The following MGAT4C variants were observed in gnomAD, a reference collection of about 807,000 sequenced individuals.
MGAT4C encodes the protein MGAT4 family member C.
Under a neutral mutation model 40.1 loss-of-function variants are expected in MGAT4C, and 19 were observed. The ratio of observed to expected loss-of-function variants is 0.47; its 90% CI spans 0.33 to 0.70. The LOEUF (loss-of-function observed/expected upper bound fraction) is 0.70. MGAT4C is among the 30% of genes least tolerant of loss of function. The pLI is 0.02. For missense variants in MGAT4C, 491 were observed against 563.2 expected (o/e 0.87, Z 1.30); for synonymous variants, 181 against 187.1 (o/e 0.97, Z 0.27).
intron 2 of MGAT4C, among the ~76,000 whole-genome samples, chr12:86,648,974 T>C (rs1208957058): frequency 6.6e-6 from 1 of 151,924 alleles, no homozygotes; most frequent in African/African-American, 2.4e-5. Context: ...TTTTGTTGTT[T>C]GTTTATTTTA....
chr12:85,998,853 T>C (rs527342339), intron 2 of MGAT4C, among the ~76,000 whole-genome samples: 23 of 152,284 alleles, frequency 1.5e-4, no homozygotes, highest in Admixed American at 6.5e-4. Flanking sequence ...CCCCTGCCTG[T>C]TACCCATTTC....
intron 1 of MGAT4C, among the ~76,000 whole-genome samples, chr12:86,776,742 T>C (rs1203355781): frequency 6.6e-6 from 1 of 152,142 alleles, no homozygotes; most frequent in African/African-American, 2.4e-5. Context: ...TTGGCTAAAA[T>C]GTATGAAACG....
intron 1 of MGAT4C, among the ~76,000 whole-genome samples, chr12:86,073,332 T>G (rs1036058720): frequency 3.3e-5 from 5 of 152,222 alleles, no homozygotes; most frequent in Non-Finnish European, 7.3e-5. Context: ...TGGGTATGTC[T>G]TTATCAGTAG....
intron 4 of MGAT4C, among the ~76,000 whole-genome samples, chr12:86,281,040 C>G (rs1953206582): frequency 6.6e-6 from 1 of 151,812 alleles, no homozygotes; most frequent in Non-Finnish European, 1.5e-5. Context: ...TTTTGCTTGT[C>G]TTGTAAGTTT....
rs2897361 is a variant in MGAT4C, at chr12:86,729,489, T to G, written c.-261-2248A>C. Among the ~76,000 whole-genome samples the G allele has an allele frequency of 8.6e-3, 1,305 of 152,222 alleles. 8 individuals carry two copies. Among genetic ancestry groups the G allele is most frequent in the Middle Eastern group, 0.017 (5 of 294 alleles). Reference sequence around the variant, plus strand: ...AGAATAGTGTGAGATTACTGGGAGATTAATTCTAAAGATTTTCCTAGGTTG... The same window carrying G: ...AGAATAGTGTGAGATTACTGGGAGAGTAATTCTAAAGATTTTCCTAGGTTG... On this transcript the variant is annotated intron_variant, in intron 1 of 7. Transcript: ENST00000548651.
chr12:86,674,803 A>G (rs1565917949), intron 2 of MGAT4C, among the ~76,000 whole-genome samples: 2 of 152,230 alleles, frequency 1.3e-5, no homozygotes, highest in Admixed American at 6.5e-5. Context: ...ATAACAAGTA[A>G]TTAAGACTAG....
chr12:86,410,122 A>G (rs1408181036), intron 3 of MGAT4C, among the ~76,000 whole-genome samples: 2 of 152,162 alleles, frequency 1.3e-5, no homozygotes, highest in Non-Finnish European at 2.9e-5. Flanking sequence ...AATTAGAATT[A>G]CTGATGAGGG....
rs12301387 is a variant in MGAT4C, at chr12:86,564,922, G to A, written c.-228-129657C>T. Among the ~76,000 whole-genome samples, 1,502 of 152,278 alleles carry A rather than the reference G, an allele frequency of 9.9e-3. 26 individuals carry two copies. Among genetic ancestry groups the A allele is most frequent in the African/African-American group, 0.035 (1,444 of 41,548 alleles). On this transcript the variant is annotated intron_variant, in intron 2 of 7. Transcript: ENST00000548651. ...CAGCAGATCCAATGGTTCTTGAGGTGTCAGGGGCAGAGAGGGATGCTGTTT... is the reference window on the plus strand; with the variant it reads ...CAGCAGATCCAATGGTTCTTGAGGTATCAGGGGCAGAGAGGGATGCTGTTT...
At chr12:86,729,742 A>G (rs559469148) in intron 1 of MGAT4C, among the ~76,000 whole-genome samples, 6 of 152,188 alleles carry the variant, frequency 3.9e-5, no homozygotes, top group Non-Finnish European at 8.8e-5. Context: ...GCCCTGAAAA[A>G]ATGTTGTACA....
At chr12:86,504,358 A>T (rs1000675660) in intron 2 of MGAT4C, among the ~76,000 whole-genome samples, 3 of 152,186 alleles carry the variant, frequency 2.0e-5, no homozygotes, top group Non-Finnish European at 4.4e-5. Flanking sequence ...AGAAGCAATT[A>T]TCCATAGTAA....
chr12:86,088,466 C>T lies in MGAT4C; in HGVS notation c.-56-38743G>A, dbSNP rs78488146. On this transcript the variant is annotated intron_variant, in intron 1 of 4. Coordinates refer to ENST00000611864, the MANE Select transcript of MGAT4C (RefSeq NM_001351288.2). Reference sequence around the variant, plus strand: ...AGAATAGTGGAAAATATTATATTTGCGAACTATCTATCTAGCAAAAGTCTA... The same window carrying T: ...AGAATAGTGGAAAATATTATATTTGTGAACTATCTATCTAGCAAAAGTCTA... Among the ~76,000 whole-genome samples the T allele has an allele frequency of 4.9e-4, 74 of 151,970 alleles. 4 individuals are homozygous for T. In the East Asian group the frequency reaches 0.013, roughly 26 times the overall value.
At chr12:86,418,416 A>C (rs1044833216) in intron 3 of MGAT4C, among the ~76,000 whole-genome samples, 1 of 151,984 alleles carries the variant, frequency 6.6e-6, no homozygotes, top group Non-Finnish European at 1.5e-5. Context: ...CAGCCTGGCT[A>C]ACATGGTGAA....
intron 1 of MGAT4C, among the ~76,000 whole-genome samples, chr12:86,105,004 A>G (rs1875885802): frequency 1.3e-5 from 2 of 152,254 alleles, no homozygotes; most frequent in Non-Finnish European, 2.9e-5. Context: ...TAGAACACAG[A>G]TGGACTTAAT....
intron 2 of MGAT4C, among the ~76,000 whole-genome samples, chr12:86,494,245 T>C (rs1958194123): frequency 6.6e-6 from 1 of 152,036 alleles, no homozygotes; most frequent in Admixed American, 6.6e-5. Context: ...TGAAGTGAAG[T>C]TTATCCAACT....
chr12:86,006,814 T>C lies in MGAT4C; in HGVS notation c.-6-17262A>G, dbSNP rs74560959. Among the ~76,000 whole-genome samples the C allele has an allele frequency of 2.4e-3, 372 of 152,306 alleles. 1 individual carries two copies. The highest frequency in any genetic ancestry group is 8.6e-3 in the African/African-American group (357 of 41,578). ...AATAATTACTCTACCCTCTTAGTGA[T>C]TTTTCCATCCACTGACTCACATCCT... On this transcript the variant is annotated intron_variant, in intron 2 of 4. Transcript: ENST00000611864.
chr12:86,340,250 A>G (rs1159723080), intron 3 of MGAT4C, among the ~76,000 whole-genome samples: 1 of 152,174 alleles, frequency 6.6e-6, no homozygotes, highest in Non-Finnish European at 1.5e-5. Flanking sequence ...TTTATCCACA[A>G]TGTCTGACAC....
chr12:86,612,485 C>G (rs1196213019), intron 2 of MGAT4C, among the ~76,000 whole-genome samples: 1 of 152,036 alleles, frequency 6.6e-6, no homozygotes, highest in Admixed American at 6.5e-5. Flanking sequence ...CGCGGTGGCT[C>G]AAGCCTGTAA....
At chr12:86,338,141 G>A (rs1954828999) in intron 3 of MGAT4C, among the ~76,000 whole-genome samples, 1 of 152,144 alleles carries the variant, frequency 6.6e-6, no homozygotes, top group African/African-American at 2.4e-5. Context: ...ACTCAAATCA[G>A]TCTCCCCGAA....
At chr12:86,690,472 TG>T (rs1346150151) in intron 2 of MGAT4C, among the ~76,000 whole-genome samples, 1 of 152,132 alleles carries the variant, frequency 6.6e-6, no homozygotes, top group Non-Finnish European at 1.5e-5. Flanking sequence ...CCTGGTCTGC[TG>T]GTGGCGAAAA....
Sources: gnomAD v4.1 joint callset for allele counts (sites outside exome capture counted in the v4.1 genomes callset) on GRCh38, gnomAD v4.1.1 for gene constraint, MANE v1.5 for transcripts, NCBI Gene and HGNC (gene_info 2026-07-23, HGNC 2026-07-21) for gene names.